The following HCRTR2 variants were observed in gnomAD, a reference collection of about 807,000 sequenced individuals.
HCRTR2 encodes hypocretin receptor 2.
In HCRTR2, 22 loss-of-function variants were observed where a neutral mutation model predicts 49.0. The ratio of observed to expected loss-of-function variants is 0.45; its 90% CI spans 0.32 to 0.64. The LOEUF (loss-of-function observed/expected upper bound fraction) is 0.64. HCRTR2 is among the 30% of genes least tolerant of loss of function. The pLI is 0.04. For synonymous variants in HCRTR2, 236 were observed against 205.3 expected (o/e 1.15, Z -1.28); for missense variants, 491 against 559.4 (o/e 0.88, Z 1.23).
intron 4 of HCRTR2, among the ~76,000 whole-genome samples, chr6:55,273,781 T>C (rs1331315756): frequency 2.0e-5 from 3 of 151,436 alleles, no homozygotes; most frequent in Non-Finnish European, 3.0e-5. Context: ...AATGCCACTT[T>C]GCTAGGTCTC....
chr6:55,185,849 G>A (rs1038352031), intron 1 of HCRTR2, among the ~76,000 whole-genome samples: 1 of 152,146 alleles, frequency 6.6e-6, no homozygotes, highest in African/African-American at 2.4e-5. Flanking sequence ...AATATTCCTT[G>A]ACAATCTTTC....
chr6:55,190,585 C>A (rs2127278120), intron 1 of HCRTR2, among the ~76,000 whole-genome samples: 1 of 152,196 alleles, frequency 6.6e-6, no homozygotes, highest in East Asian at 1.9e-4. Flanking sequence ...GTGTCTGTAC[C>A]TTTTTATACA....
At chr6:55,148,577 G>T (rs904412653) in intron 1 of HCRTR2, among the ~76,000 whole-genome samples, 2 of 152,140 alleles carry the variant, frequency 1.3e-5, no homozygotes, top group South Asian at 4.1e-4. Context: ...AGAGTAGCCT[G>T]CAGGAAAGCT....
chr6:55,241,379 C>T (rs968998984), intron 1 of HCRTR2, among the ~76,000 whole-genome samples: 1 of 151,962 alleles, frequency 6.6e-6, no homozygotes, highest in Non-Finnish European at 1.5e-5. Flanking sequence ...CCGGAAGTGA[C>T]GATGGAAGCA....
chr6:55,225,538 C>A (rs926249804), intron 1 of HCRTR2, among the ~76,000 whole-genome samples: 4 of 152,116 alleles, frequency 2.6e-5, no homozygotes, highest in Admixed American at 1.3e-4. Flanking sequence ...TTGAGAGATT[C>A]TAATATAATC....
intron 1 of HCRTR2, among the ~76,000 whole-genome samples, chr6:55,242,019 C>T (rs1050527400): frequency 6.6e-6 from 1 of 151,680 alleles, no homozygotes; most frequent in South Asian, 2.1e-4. Flanking sequence ...CAGGCTCCCA[C>T]CACCAAGCCC....
intron 1 of HCRTR2, among the ~76,000 whole-genome samples, chr6:55,212,607 A>G (rs1765716292): frequency 5.3e-5 from 8 of 152,298 alleles, no homozygotes; most frequent in Admixed American, 5.2e-4. Context: ...AGCATATGAT[A>G]CCCAAAGTTT....
At chr6:55,163,893 A>C in intron 1 of HCRTR2, among the ~76,000 whole-genome samples, 1 of 152,224 alleles carries the variant, frequency 6.6e-6, no homozygotes, top group Non-Finnish European at 1.5e-5. Flanking sequence ...TAAAGGGCTA[A>C]TATCCAGAAT....
chr6:55,277,441 C>G lies in HCRTR2; in HGVS notation c.824C>G (p.Pro275Arg). 1 of 1,614,098 alleles carries G rather than the reference C, an allele frequency of 6.2e-7. No homozygotes were observed. Residue 275 changes from proline to arginine, a missense_variant, in exon 5 of 7, where the codon CCT becomes CGT. Pro to Arg is a moderately radical substitution (Grantham distance 103, BLOSUM62 -2). Coordinates refer to ENST00000370862, the MANE Select transcript of HCRTR2 (RefSeq NM_001384272.1). ...AAGCCCCTGCAGCCTGTTTCACAGCCTCGAGGGCCAGGACAGCCAACGAAG... is the reference window on the plus strand; with the variant it reads ...AAGCCCCTGCAGCCTGTTTCACAGCGTCGAGGGCCAGGACAGCCAACGAAG... ...KWKPLQPVSQ[P>R]RGPGQPTKSR...
At chr6:55,179,971 G>C (rs1229265718) in intron 1 of HCRTR2, among the ~76,000 whole-genome samples, 1 of 152,132 alleles carries the variant, frequency 6.6e-6, no homozygotes, top group African/African-American at 2.4e-5. Context: ...TCCACCCTAA[G>C]GAATGCTGGC....
intron 1 of HCRTR2, among the ~76,000 whole-genome samples, chr6:55,190,723 A>C (rs1765301376): frequency 6.6e-6 from 1 of 152,142 alleles, no homozygotes; most frequent in African/African-American, 2.4e-5. Flanking sequence ...ACATTTTTTA[A>C]AATCTTAAAA....
chr6:55,250,799 T>A (rs1421147449), intron 2 of HCRTR2, among the ~76,000 whole-genome samples: 1 of 152,180 alleles, frequency 6.6e-6, no homozygotes, highest in Non-Finnish European at 1.5e-5. Flanking sequence ...GGATTCTGTC[T>A]GCCTCTCTGC....
intron 1 of HCRTR2, among the ~76,000 whole-genome samples, chr6:55,199,818 T>C (rs1372854962): frequency 6.6e-6 from 1 of 152,144 alleles, no homozygotes; most frequent in Non-Finnish European, 1.5e-5. Flanking sequence ...CTTGTTTGCA[T>C]GAAGGAAATG....
chr6:55,214,753 T>A (rs2127293399), intron 1 of HCRTR2, among the ~76,000 whole-genome samples: 1 of 151,966 alleles, frequency 6.6e-6, no homozygotes, highest in Non-Finnish European at 1.5e-5. Context: ...AAGAGATACA[T>A]GTAAAAAGAA....
chr6:55,132,045 A>C (rs180763892), intron 1 of HCRTR2, among the ~76,000 whole-genome samples: 1 of 151,882 alleles, frequency 6.6e-6, no homozygotes, highest in African/African-American at 2.4e-5. Flanking sequence ...TGAGTTGTAC[A>C]TGTGTTTGTG....
intron 1 of HCRTR2, among the ~76,000 whole-genome samples, chr6:55,122,625 C>T (rs187884764): frequency 1.3e-5 from 2 of 151,540 alleles, no homozygotes; most frequent in East Asian, 3.9e-4. Context: ...CCCTCTATAC[C>T]CAAAGGATTA....
chr6:55,231,995 A>T (rs1766123913), intron 1 of HCRTR2, among the ~76,000 whole-genome samples: 1 of 152,128 alleles, frequency 6.6e-6, no homozygotes, highest in African/African-American at 2.4e-5. Flanking sequence ...ATTGTCCATC[A>T]TCTTCTACAG....
At chr6:55,164,985 A>T (rs1348091740) in intron 1 of HCRTR2, among the ~76,000 whole-genome samples, 2 of 152,172 alleles carry the variant, frequency 1.3e-5, no homozygotes, top group African/African-American at 4.8e-5. Flanking sequence ...TAATTTTTTT[A>T]AAAATTCATG....
chr6:55,275,934 C>T (rs79933928), intron 4 of HCRTR2, among the ~76,000 whole-genome samples: 2,228 of 148,756 alleles, frequency 0.015, 51 homozygotes, highest in African/African-American at 0.051. Context: ...GTGATAGAAT[C>T]ACTAAAATTT....
Sources: gnomAD v4.1 joint callset for allele counts (sites outside exome capture counted in the v4.1 genomes callset) on GRCh38, gnomAD v4.1.1 for gene constraint, MANE v1.5 for transcripts, NCBI Gene and HGNC (gene_info 2026-07-23, HGNC 2026-07-21) for gene names.